The following FERMT1 variants were observed in gnomAD, a reference collection of about 807,000 sequenced individuals.
FERMT1 encodes the protein FERM domain containing kindlin 1, also known as fermitin family homolog 1.
In FERMT1, 60 loss-of-function variants were observed where a neutral mutation model predicts 85.3. The observed-to-expected ratio is 0.70, with a 90% confidence interval of 0.57 to 0.87. The LOEUF (loss-of-function observed/expected upper bound fraction) is 0.87, where lower values mean the gene tolerates loss of function less well. FERMT1 is among the 40% of genes least tolerant of loss of function. The pLI is 0.00. For missense variants in FERMT1, 701 were observed against 818.9 expected (o/e 0.86, Z 1.76); for synonymous variants, 275 against 301.1 (o/e 0.91, Z 0.90).
chr20:6,090,900 G>T (rs374653218), intron 9 of FERMT1, among the ~76,000 whole-genome samples: 3 of 151,822 alleles, frequency 2.0e-5, no homozygotes, highest in South Asian at 4.2e-4. Flanking sequence ...GCGGTGGCTC[G>T]TGTCTGTAAT....
At chr20:6,081,226 T>C (rs1435370687) in intron 13 of FERMT1, among the ~76,000 whole-genome samples, 3 of 150,116 alleles carry the variant, frequency 2.0e-5, no homozygotes, top group Non-Finnish European at 3.0e-5. Flanking sequence ...TAGTGAGCCA[T>C]GATTGTGCCA....
Position 6,107,580 on chromosome 20 carries a change from C to G in FERMT1, c.801G>C (p.Gln267His). The G allele has an allele frequency of 6.2e-7, 1 of 1,613,236 alleles. No homozygotes were observed. The highest frequency in any genetic ancestry group is 8.5e-7 in the Non-Finnish European group (1 of 1,179,364). Residue 267 changes from glutamine to histidine, a missense_variant, in exon 6 of 15, where the codon CAG becomes CAC. Coordinates refer to ENST00000217289, the MANE Select transcript of FERMT1 (RefSeq NM_017671.5). ...AATAATATTTAAATCGTAAGAGCAG[C>G]TGCTCATCCTCTTGGATGCCTTGTT... The part of the protein sequence containing the change: ...LMEQGIQEDE[Q>H]LLLRFKYYSF...
intron 2 of FERMT1, 60 bp downstream of exon 2, chr20:6,119,344 G>A (rs961313467): frequency 2.0e-6 from 3 of 1,513,762 alleles, no homozygotes; most frequent in Middle Eastern, 1.7e-4. Flanking sequence ...CCAGCCATTA[G>A]TGGTGATGCA....
Position 6,076,403 on chromosome 20 carries a change from T to G in FERMT1, c.*770A>C, listed in dbSNP as rs1330623524. 1.9e-6 allele frequency: 1 copy of G among 514,722 alleles called. No homozygotes were observed. 31.9% of individuals were successfully genotyped at this position (514,722 alleles called of 1,614,324 possible). A position where few individuals can be genotyped will look rare whatever the true frequency, so the allele number is the denominator to read the frequency against. On this transcript the variant is annotated 3_prime_UTR_variant, in exon 15 of 15. Coordinates refer to ENST00000217289, the MANE Select transcript of FERMT1 (RefSeq NM_017671.5). ...ATCTGGGTTGAGAAATGGGTTTTCC[T>G]GTCCCCCTGTGTCACCCACATCTTC...
intron 2 of FERMT1, 35 bp downstream of exon 2, chr20:6,119,369 T>C: frequency 6.2e-7 from 1 of 1,609,844 alleles, no homozygotes; most frequent in Non-Finnish European, 8.5e-7. Flanking sequence ...ACAGGGTTTC[T>C]AATACAGAGA....
In FERMT1 at chr20:6,077,079, T is replaced by C; in HGVS notation, c.*94A>G. The stretch of plus-strand genomic sequence containing the variant: ...GCGGTGAATGTATGTTGTCTGTTAG[T>C]CCAGAATCTACATGCTGGGCACGTT... On this transcript the variant is annotated 3_prime_UTR_variant, in exon 15 of 15. Transcript: ENST00000217289. The C allele has an allele frequency of 8.0e-7, 1 of 1,245,406 alleles. No homozygotes were observed. Among genetic ancestry groups the C allele is most frequent in the Admixed American group, 1.7e-5 (1 of 59,484 alleles). 77.1% of individuals were successfully genotyped at this position (1,245,406 alleles called of 1,614,324 possible).
rs547815790 is a variant in FERMT1, at chr20:6,088,899, C to T, written c.1264+66G>A. On this transcript the variant is annotated intron_variant, in intron 10 of 14. Coordinates refer to ENST00000217289, the MANE Select transcript of FERMT1 (RefSeq NM_017671.5). Reference sequence around the variant, plus strand: ...TCAGCCTCCCAAAGTGCTGGGATTACAGGTTTGAGCCACCGCGTCTGCCCT... The same window carrying T: ...TCAGCCTCCCAAAGTGCTGGGATTATAGGTTTGAGCCACCGCGTCTGCCCT... 102 of 1,534,488 alleles carry T rather than the reference C, an allele frequency of 6.6e-5. 2 individuals are homozygous for T. The African/African-American group carries it at 1.0e-3, about 15-fold the overall frequency.
intron 10 of FERMT1, among the ~76,000 whole-genome samples, chr20:6,088,472 A>G (rs1982247847): frequency 6.6e-6 from 1 of 152,278 alleles, no homozygotes; most frequent in South Asian, 2.1e-4. Context: ...GCAAATAATC[A>G]TGTTTACTAG....
chr20:6,092,977 A>G (rs573952097), intron 9 of FERMT1, among the ~76,000 whole-genome samples: 3 of 152,096 alleles, frequency 2.0e-5, no homozygotes, highest in South Asian at 4.2e-4. Flanking sequence ...TAGCATGCAT[A>G]TGTATTCATA....
chr20:6,099,952 T>A (rs1982616262), intron 6 of FERMT1, among the ~76,000 whole-genome samples: 1 of 147,830 alleles, frequency 6.8e-6, no homozygotes, highest in Admixed American at 6.8e-5. Context: ...GGAGCTATGA[T>A]CACAGCCTGG....
intron 6 of FERMT1, among the ~76,000 whole-genome samples, chr20:6,098,147 C>T (rs1982560635): frequency 6.6e-6 from 1 of 152,112 alleles, no homozygotes; most frequent in Non-Finnish European, 1.5e-5. Flanking sequence ...GCTGCTGCTG[C>T]TTCTTCACAA....
intron 2 of FERMT1, among the ~76,000 whole-genome samples, chr20:6,118,460 A>T (rs1238970090): frequency 6.6e-6 from 1 of 152,164 alleles, no homozygotes; most frequent in Non-Finnish European, 1.5e-5. Context: ...TGGTTACAAG[A>T]CTTTGTGAAA....
chr20:6,109,420 A>G (rs1479990831), intron 5 of FERMT1, among the ~76,000 whole-genome samples: 1 of 152,204 alleles, frequency 6.6e-6, no homozygotes, highest in East Asian at 1.9e-4. Context: ...CCATGGGAGC[A>G]TGGGAGGACA....
At chr20:6,078,174 G>C (rs1981886372) in intron 14 of FERMT1, among the ~76,000 whole-genome samples, 1 of 152,200 alleles carries the variant, frequency 6.6e-6, no homozygotes, top group Non-Finnish European at 1.5e-5. Context: ...CCTCCTCCCA[G>C]AGATTCAGAT....
chr20:6,118,940 C>G (rs1340775885), intron 2 of FERMT1, among the ~76,000 whole-genome samples: 2 of 151,048 alleles, frequency 1.3e-5, no homozygotes, highest in Non-Finnish European at 2.9e-5. Context: ...CCACCAAAGA[C>G]TCAAGGTTTT....
chr20:6,118,686 G>A (rs1310637102), intron 2 of FERMT1, among the ~76,000 whole-genome samples: 2 of 152,166 alleles, frequency 1.3e-5, no homozygotes, highest in African/African-American at 4.8e-5. Context: ...CATCTGACAC[G>A]CTACAAGGTG....
intron 6 of FERMT1, among the ~76,000 whole-genome samples, chr20:6,106,857 C>A (rs923485316): frequency 1.4e-4 from 21 of 152,066 alleles, no homozygotes; most frequent in African/African-American, 5.1e-4. Context: ...TGGGAACCTG[C>A]CTTTAAACCT....
intron 3 of FERMT1, among the ~76,000 whole-genome samples, chr20:6,115,460 A>C (rs182274524): frequency 6.6e-6 from 1 of 152,354 alleles, no homozygotes. Flanking sequence ...CTCTATGGTG[A>C]TTAAGTATTT....
chr20:6,088,912 C>T, intron 10 of FERMT1, 53 bp downstream of exon 10: 6 of 1,581,102 alleles, frequency 3.8e-6, no homozygotes, highest in Non-Finnish European at 5.2e-6. Flanking sequence ...GTTTGAGCCA[C>T]CGCGTCTGCC....
Sources: gnomAD v4.1 joint callset for allele counts (sites outside exome capture counted in the v4.1 genomes callset) on GRCh38, gnomAD v4.1.1 for gene constraint, MANE v1.5 for transcripts, NCBI Gene and HGNC (gene_info 2026-07-23, HGNC 2026-07-21) for gene names.